Variants in GABRG3 observed in about 807,000 individuals in gnomAD.
The protein encoded by GABRG3 is gamma-aminobutyric acid type A receptor subunit gamma3, also known as gamma-aminobutyric acid receptor subunit gamma-3.
A neutral mutation model predicts 48.8 loss-of-function variants in GABRG3; 25 were observed. That is an observed-to-expected ratio of 0.51 (90% CI 0.37 to 0.72). The LOEUF (loss-of-function observed/expected upper bound fraction) is 0.72, where lower values mean the gene tolerates loss of function less well. Ranked by LOEUF, GABRG3 falls within the 30% of genes least tolerant of loss-of-function variation. The pLI, the probability that GABRG3 is intolerant of heterozygous loss-of-function variation, is 0.00. For synonymous variants in GABRG3, 227 were observed against 217.6 expected (o/e 1.04, Z -0.38); for missense variants, 394 against 577.9 (o/e 0.68, Z 3.26).
rs545862282 is a variant in GABRG3 at position 27,537,049 on chromosome 15, C to G, written c.*4168C>G. On this transcript the variant is annotated 3_prime_UTR_variant, in exon 10 of 10. Coordinates refer to ENST00000615808, the MANE Select transcript of GABRG3 (RefSeq NM_033223.5). ...AAGCACTTGGAATTCACTCCATGAT[C>G]TTGCAACTCTTTTTGAGTGCTTTTC... The G allele has an allele frequency of 2.0e-4, 30 of 149,734 alleles. No homozygotes were observed. Among genetic ancestry groups the G allele is most frequent in the African/African-American group, 7.1e-4 (29 of 40,706 alleles). The allele number at this position is 149,734 out of a possible 1,614,324, so 9.3% of individuals were successfully genotyped here. A position where few individuals can be genotyped will look rare whatever the true frequency, so the allele number is the denominator to read the frequency against.
At chr15:27,034,714 G>A (rs796420095) in intron 3 of GABRG3, among the ~76,000 whole-genome samples, 4 of 152,282 alleles carry the variant, frequency 2.6e-5, no homozygotes, top group African/African-American at 7.2e-5. Context: ...TGTCTTTTTG[G>A]TCACTTACTT....
intron 3 of GABRG3, among the ~76,000 whole-genome samples, chr15:27,046,176 G>A (rs117074619): frequency 0.07 from 10,701 of 152,034 alleles, 655 homozygotes; most frequent in East Asian, 0.2. Context: ...TCACCGCAAC[G>A]TCCGTCTCCG....
intron 5 of GABRG3, chr15:27,350,526 G>A: frequency 4.5e-6 from 1 of 224,696 alleles, no homozygotes. Context: ...AGGACAGATG[G>A]CGAAGGCGTG....
At position 27,186,613 on chromosome 15, in the gene GABRG3, G is replaced by A. The variant is rs117830196; in HGVS notation, c.271-140196G>A. Among the ~76,000 whole-genome samples the A allele has an allele frequency of 3.2e-3, 488 of 152,220 alleles. 1 individual carries two copies. The highest frequency in any genetic ancestry group is 5.2e-3 in the Non-Finnish European group (355 of 67,994). On this transcript the variant is annotated intron_variant, in intron 3 of 9. Coordinates refer to ENST00000615808, the MANE Select transcript of GABRG3 (RefSeq NM_033223.5). ...CTCTAAACTGCCCTTCACAGTGGCT[G>A]AACTAACATTTTCACCAACAATATT...
At chr15:27,089,294 G>T (rs1451772553) in intron 3 of GABRG3, among the ~76,000 whole-genome samples, 1 of 152,182 alleles carries the variant, frequency 6.6e-6, no homozygotes, top group Non-Finnish European at 1.5e-5. Context: ...CAGCTCGTCT[G>T]CAGGCAACTG....
intron 3 of GABRG3, among the ~76,000 whole-genome samples, chr15:27,313,262 G>GTATGTATATATATA (rs1893076810): frequency 2.9e-5 from 1 of 34,562 alleles, no homozygotes; most frequent in Non-Finnish European, 5.7e-5. Flanking sequence ...GTGTGTGTGT[G>GTATGTATATATATA]TATATATATA....
chr15:27,150,076 C>T (rs1898282451), intron 3 of GABRG3, among the ~76,000 whole-genome samples: 2 of 152,130 alleles, frequency 1.3e-5, no homozygotes, highest in Admixed American at 1.3e-4. Flanking sequence ...AATTAACTAC[C>T]CCTTACTCCT....
chr15:27,307,024 A>G lies in GABRG3; in HGVS notation c.271-19785A>G, dbSNP rs1485077253. Among the ~76,000 whole-genome samples, 3 of 123,200 alleles carry G rather than the reference A, an allele frequency of 2.4e-5. No homozygotes were observed. The East Asian group carries it at 6.9e-4, about 28-fold the overall frequency. The allele number at this position is 123,200 out of a possible 152,430, so 80.8% of individuals were successfully genotyped here. ...TAAACATGTATAAACATGTTTATATATAAACATGTATAAAATAAACATGTT... is the reference window on the plus strand; with the variant it reads ...TAAACATGTATAAACATGTTTATATGTAAACATGTATAAAATAAACATGTT... On this transcript the variant is annotated intron_variant, in intron 3 of 9. Coordinates refer to ENST00000615808, the MANE Select transcript of GABRG3 (RefSeq NM_033223.5).
At chr15:27,259,300 G>A (rs985940151) in intron 3 of GABRG3, among the ~76,000 whole-genome samples, 1 of 152,136 alleles carries the variant, frequency 6.6e-6, no homozygotes, top group Non-Finnish European at 1.5e-5. Context: ...GGAGGCTTTA[G>A]CTTCCTGACA....
chr15:27,327,182 A>C (rs140673), intron 4 of GABRG3, among the ~76,000 whole-genome samples, 153 bp downstream of exon 4: 15,338 of 152,244 alleles, frequency 0.1, 1,902 homozygotes, highest in African/African-American at 0.29. Flanking sequence ...GCCCTCATGC[A>C]ACATGTGTAA....
At chr15:27,421,824 G>C (rs1212273072) in intron 5 of GABRG3, among the ~76,000 whole-genome samples, 2 of 151,984 alleles carry the variant, frequency 1.3e-5, no homozygotes, top group Non-Finnish European at 2.9e-5. Context: ...CCATGGGAGT[G>C]GGCTGAGTAT....
chr15:27,427,698 A>G (rs764252339), intron 5 of GABRG3, among the ~76,000 whole-genome samples: 9 of 152,218 alleles, frequency 5.9e-5, no homozygotes, highest in Non-Finnish European at 1.0e-4. Context: ...GTTCCAAATT[A>G]CAAATTCTTG....
chr15:27,481,374 T>C (rs1890097983), intron 6 of GABRG3: 1 of 602,346 alleles, frequency 1.7e-6, no homozygotes, highest in South Asian at 7.4e-5. Flanking sequence ...TTTTGTCTTA[T>C]GTCTTATGTT....
chr15:27,296,048 G>A (rs1480999264), intron 3 of GABRG3, among the ~76,000 whole-genome samples: 1 of 152,170 alleles, frequency 6.6e-6, no homozygotes, highest in Non-Finnish European at 1.5e-5. Context: ...TTCCGTGCCA[G>A]GAGTAGAGCT....
chr15:27,097,940 C>CTT (rs11305962), intron 3 of GABRG3, among the ~76,000 whole-genome samples: 7 of 141,802 alleles, frequency 4.9e-5, no homozygotes, highest in African/African-American at 1.8e-4. Flanking sequence ...ATCTATTATT[C>CTT]TTTTTTTTTT....
chr15:27,508,429 T>C (rs74005025), intron 6 of GABRG3, among the ~76,000 whole-genome samples: 2,156 of 152,282 alleles, frequency 0.014, 60 homozygotes, highest in African/African-American at 0.049. Flanking sequence ...CTTCCATCTC[T>C]TGTATAATTG....
chr15:27,432,865 G>A (rs896776243), intron 5 of GABRG3, among the ~76,000 whole-genome samples: 1 of 152,122 alleles, frequency 6.6e-6, no homozygotes, highest in Non-Finnish European at 1.5e-5. Flanking sequence ...ACAACTCATT[G>A]TTTACAAATT....
intron 5 of GABRG3, among the ~76,000 whole-genome samples, chr15:27,467,039 T>C (rs1430326712): frequency 6.6e-6 from 1 of 152,200 alleles, no homozygotes; most frequent in East Asian, 1.9e-4. Flanking sequence ...GGGGCTATTA[T>C]AACAAAAACC....
At chr15:27,484,004 G>A (rs1890160238) in intron 6 of GABRG3, among the ~76,000 whole-genome samples, 1 of 152,010 alleles carries the variant, frequency 6.6e-6, no homozygotes, top group South Asian at 2.1e-4. Flanking sequence ...GCACGATCTC[G>A]ACTCACTGCG....
Sources: gnomAD v4.1 joint callset for allele counts (sites outside exome capture counted in the v4.1 genomes callset) on GRCh38, gnomAD v4.1.1 for gene constraint, MANE v1.5 for transcripts, NCBI Gene and HGNC (gene_info 2026-07-23, HGNC 2026-07-21) for gene names.